C5orf24: variants seen among roughly 807,000 people sequenced by gnomAD.
C5orf24 encodes UPF0461 protein C5orf24.
A neutral mutation model predicts 9.8 loss-of-function variants in C5orf24; 4 were observed. The ratio of observed to expected loss-of-function variants is 0.41; its 90% CI spans 0.20 to 0.93. The LOEUF (loss-of-function observed/expected upper bound fraction) is 0.93, where lower values mean the gene tolerates loss of function less well. Ranked by LOEUF, C5orf24 falls within the 40% of genes least tolerant of loss-of-function variation. The probability of loss-of-function intolerance (pLI) is 0.33; values close to 1 mark genes in which losing one functional copy is unlikely to be tolerated. For missense variants in C5orf24, 170 were observed against 236.9 expected (o/e 0.72, Z 1.85); for synonymous variants, 73 against 81.3 (o/e 0.90, Z 0.55).
At chr5:134,844,290 T>C (rs1449322670), upstream of C5orf24, among the ~76,000 whole-genome samples, 1 of 152,210 alleles carries the variant, frequency 6.6e-6, no homozygotes, top group Non-Finnish European at 1.5e-5. Flanking sequence ...TCTATATTGG[T>C]ATTTTCCTTT....
intron 1 of C5orf24, among the ~76,000 whole-genome samples, chr5:134,851,890 C>CT (rs1193978110): frequency 8.5e-5 from 13 of 152,260 alleles, no homozygotes; most frequent in Non-Finnish European, 1.2e-4. Context: ...TGAGAGTCTC[C>CT]TTTTTTCTCA....
intron 1 of C5orf24, among the ~76,000 whole-genome samples, chr5:134,848,135 AC>A: frequency 6.6e-6 from 1 of 150,636 alleles, no homozygotes; most frequent in South Asian, 2.1e-4. Flanking sequence ...ACATGGTGAA[AC>A]CCGTCTCTAC....
Position 134,856,052 on chromosome 5 carries a change from T to A in C5orf24, c.*585T>A. 7 of 1,001,394 alleles carry A rather than the reference T, an allele frequency of 7.0e-6. No individual in the cohort carries two copies. The highest frequency in any genetic ancestry group is 8.4e-6 in the Non-Finnish European group (7 of 830,840). 62.0% of individuals were successfully genotyped at this position (1,001,394 alleles called of 1,614,324 possible). A position where few individuals can be genotyped will look rare whatever the true frequency, so the allele number is the denominator to read the frequency against. On this transcript the variant is annotated 3_prime_UTR_variant, in exon 2 of 2. Coordinates refer to ENST00000394976, the MANE Select transcript of C5orf24 (RefSeq NM_001135586.1). ...GCAGCTTGTAATTTATTGATCTACA[T>A]GGCATTAATTGATTTAACCATTATA...
At chr5:134,842,734 A>G (rs1029002480), upstream of C5orf24, among the ~76,000 whole-genome samples, 1 of 152,144 alleles carries the variant, frequency 6.6e-6, no homozygotes, top group Non-Finnish European at 1.5e-5. Context: ...TTCCTGGCTC[A>G]TGGTGCTTCT....
intron 1 of C5orf24, among the ~76,000 whole-genome samples, chr5:134,851,434 G>C (rs1007976488): frequency 1.5e-4 from 19 of 124,034 alleles, no homozygotes; most frequent in East Asian, 1.4e-3. Context: ...TGGATTCCCC[G>C]CCCCCCACCC....
the C5orf24 span, among the ~76,000 whole-genome samples, chr5:134,834,447 A>G: frequency 7.2e-5 from 11 of 152,192 alleles, no homozygotes; most frequent in Admixed American, 7.2e-4. Context: ...TCTGGAGCTG[A>G]TACTCCCAAA....
chr5:134,842,780 C>T (rs965667581), upstream of C5orf24, among the ~76,000 whole-genome samples: 5 of 152,098 alleles, frequency 3.3e-5, no homozygotes, highest in African/African-American at 9.7e-5. Context: ...CATTTAAAGC[C>T]CACTTCCAAC....
chr5:134,857,531 G>A lies in C5orf24; in HGVS notation c.*2064G>A. On this transcript the variant is annotated 3_prime_UTR_variant, in exon 2 of 2. Transcript: ENST00000394976. Reference sequence around the variant, plus strand: ...TGCACAAACCATAGAGAACGATGTTGGATGGTTACATAATCAGTTATAACA... The same window carrying A: ...TGCACAAACCATAGAGAACGATGTTAGATGGTTACATAATCAGTTATAACA... 2 of 1,163,974 alleles carry A rather than the reference G, an allele frequency of 1.7e-6. No homozygotes were observed. Among genetic ancestry groups the A allele is most frequent in the African/African-American group, 1.6e-5 (1 of 62,970 alleles). The allele number at this position is 1,163,974 out of a possible 1,614,324, so 72.1% of individuals were successfully genotyped here. A position where few individuals can be genotyped will look rare whatever the true frequency, so the allele number is the denominator to read the frequency against.
rs899544470 is a variant in C5orf24, at chr5:134,857,302, A to G, written c.*1835A>G. On this transcript the variant is annotated 3_prime_UTR_variant, in exon 2 of 2. Coordinates refer to ENST00000394976, the MANE Select transcript of C5orf24 (RefSeq NM_001135586.1). ...ACATGTTGTGTTTTTTGGGCTTGCT[A>G]TTAATGCAAACTCTGATTGCAAATG... 7.8e-5 allele frequency: 118 copies of G among 1,516,530 alleles called. No individual in the cohort carries two copies. Among genetic ancestry groups the G allele is most frequent in the Non-Finnish European group, 9.9e-5 (111 of 1,126,136 alleles). The allele number at this position is 1,516,530 out of a possible 1,614,324, so 93.9% of individuals were successfully genotyped here. A position where few individuals can be genotyped will look rare whatever the true frequency, so the allele number is the denominator to read the frequency against.
At position 134,858,853 on chromosome 5, in the gene C5orf24, CA is replaced by C. The variant is rs1224163761; in HGVS notation, c.*3387del. The C allele has an allele frequency of 6.0e-6, 1 of 166,144 alleles. No homozygotes were observed. Among genetic ancestry groups the C allele is most frequent in the Non-Finnish European group, 1.5e-5 (1 of 68,018 alleles). The allele number at this position is 166,144 out of a possible 1,614,324, so 10.3% of individuals were successfully genotyped here. Reference sequence around the variant, plus strand: ...TGGTTTAATTTTTAATATTTAGGGACATTTTAAAAAATCAATGTTTTAATTA... The same window carrying C: ...TGGTTTAATTTTTAATATTTAGGGACTTTTAAAAAATCAATGTTTTAATTA... On this transcript the variant is annotated 3_prime_UTR_variant, in exon 2 of 2. Transcript: ENST00000394976.
In C5orf24 at chr5:134,855,208, G is replaced by A. The variant is rs747027954; in HGVS notation, c.308G>A (p.Arg103Gln). The part of the protein sequence containing the change: ...PSGTTKSAGY[R>Q]TSTGRPLGTT... ...GGAACCACCAAATCAGCAGGATACCGGACCAGCACAGGCAGACCCCTGGGA... is the reference window on the plus strand; with the variant it reads ...GGAACCACCAAATCAGCAGGATACCAGACCAGCACAGGCAGACCCCTGGGA... Residue 103 changes from arginine (R) to glutamine (Q), a missense_variant, in exon 2 of 2, where the codon CGG (arginine) becomes CAG (glutamine). By Grantham distance (43) the Arg-to-Gln change is conservative (BLOSUM62 1). Coordinates refer to ENST00000394976, the MANE Select transcript of C5orf24 (RefSeq NM_001135586.1). 17 of 1,614,024 alleles carry A rather than the reference G, an allele frequency of 1.1e-5. No individual in the cohort carries two copies. Among genetic ancestry groups the A allele is most frequent in the African/African-American group, 1.3e-5 (1 of 74,902 alleles).
Position 134,849,647 on chromosome 5 carries a change from CTTTTTTTTT to C in C5orf24, c.-4+3454_-4+3462del, listed in dbSNP as rs35375521. On this transcript the variant is annotated intron_variant, in intron 1 of 1. Coordinates refer to ENST00000394976, the MANE Select transcript of C5orf24 (RefSeq NM_001135586.1). Reference sequence around the variant, plus strand: ...CACTTCAGAAATGTTAAGTCAGTGTCTTTTTTTTTTTTTTTTTTTTTTTTTTTAAAGAGA... The same window carrying C: ...CACTTCAGAAATGTTAAGTCAGTGTCTTTTTTTTTTTTTTTTTTAAAGAGA... Among the ~76,000 whole-genome samples the C allele has an allele frequency of 4.8e-4, 37 of 76,978 alleles. 2 individuals carry two copies. The Admixed American group carries it at 5.6e-3, about 12-fold the overall frequency. The allele number at this position is 76,978 out of a possible 152,430, so 50.5% of individuals were successfully genotyped here.
In C5orf24 at chr5:134,857,626, A is replaced by G. The variant is rs551228259; in HGVS notation, c.*2159A>G. On this transcript the variant is annotated 3_prime_UTR_variant, in exon 2 of 2. Transcript: ENST00000394976. ...TAAAATACAAGATTTTTAATAATTT[A>G]CTCAGAACAGTATAACTTCTGACAC... 5 of 453,050 alleles carry G rather than the reference A, an allele frequency of 1.1e-5. No homozygotes were observed. In the Admixed American group the frequency reaches 2.2e-4, roughly 19 times the overall value. 28.1% of individuals were successfully genotyped at this position (453,050 alleles called of 1,614,324 possible).
chr5:134,838,781 C>CA, the C5orf24 span, among the ~76,000 whole-genome samples: 1,757 of 119,198 alleles, frequency 0.015, 34 homozygotes, highest in Admixed American at 0.063. Flanking sequence ...CTCGTCTCTA[C>CA]AAAAAAAAAA....
chr5:134,840,430 A>C, the C5orf24 span, among the ~76,000 whole-genome samples: 1 of 151,824 alleles, frequency 6.6e-6, no homozygotes, highest in African/African-American at 2.4e-5. Context: ...GCTGGAGTAC[A>C]GTGTCATGGT....
In C5orf24 at chr5:134,857,899, A is replaced by C. The variant is rs1756354633; in HGVS notation, c.*2432A>C. 1 of 166,988 alleles carries C rather than the reference A, an allele frequency of 6.0e-6. No homozygotes were observed. The highest frequency in any genetic ancestry group is 1.9e-4 in the East Asian group (1 of 5,210). 10.3% of individuals were successfully genotyped at this position (166,988 alleles called of 1,614,324 possible). A position where few individuals can be genotyped will look rare whatever the true frequency, so the allele number is the denominator to read the frequency against. On this transcript the variant is annotated 3_prime_UTR_variant, in exon 2 of 2. Transcript: ENST00000394976. ...CCCTTTCAGTTTATTTTCCTTCCTT[A>C]TTTTGTTATACATACCCTTCCCTTT...
chr5:134,855,369 G>A lies in C5orf24; in HGVS notation c.469G>A (p.Gly157Ser), dbSNP rs1304850279. ...ALSRLADLGYGCGTAAFPYPM... is the reference protein window; with the variant it reads ...ALSRLADLGYSCGTAAFPYPM... ...ATCCCGTCTTGCCGATCTTGGTTAT[G>A]GCTGTGGCACTGCTGCTTTTCCTTA... Residue 157 changes from glycine to serine, a missense_variant, in exon 2 of 2, where the codon GGC (glycine) becomes AGC (serine). Physicochemically the swap from Gly to Ser is moderately conservative, Grantham distance 56 (BLOSUM62 0). Coordinates refer to ENST00000394976, the MANE Select transcript of C5orf24 (RefSeq NM_001135586.1). 1 of 1,614,208 alleles carries A rather than the reference G, an allele frequency of 6.2e-7. No homozygotes were observed. Among genetic ancestry groups the A allele is most frequent in the Non-Finnish European group, 8.5e-7 (1 of 1,180,042 alleles).
the C5orf24 span, among the ~76,000 whole-genome samples, chr5:134,837,128 C>T: frequency 2.0e-5 from 3 of 151,926 alleles, no homozygotes; most frequent in Non-Finnish European, 4.4e-5. Flanking sequence ...CATGCGTCAC[C>T]ATGCCCGGCT....
rs757690818 is a variant in C5orf24, at chr5:134,854,929, C to T, written c.29C>T (p.Pro10Leu). ...ATGCATCCTGTTGCCAGCAGTAATC[C>T]AGCTTTCTGTGGGCCTGGCAAGCCT... MMHPVASSN[P>L]AFCGPGKPSC... Residue 10 changes from proline (P) to leucine (L), a missense_variant, in exon 2 of 2, where the codon CCA becomes CTA. Pro to Leu is a moderately conservative substitution (Grantham distance 98, BLOSUM62 -3). Around this residue, in one of 3 missense-constraint regions of C5orf24, gnomAD observed 93 missense variants for 104.5 expected, o/e 0.89. Transcript: ENST00000394976. 1 of 1,613,902 alleles carries T rather than the reference C, an allele frequency of 6.2e-7. No homozygotes were observed. Among genetic ancestry groups the T allele is most frequent in the Non-Finnish European group, 8.5e-7 (1 of 1,179,986 alleles).
Sources: allele counts gnomAD v4.1 joint callset (sites outside exome capture counted in the v4.1 genomes callset), GRCh38; gene constraint gnomAD v4.1.1; regional missense constraint gnomAD v4.1.1; transcripts MANE v1.5; gene names NCBI Gene and HGNC (gene_info 2026-07-23, HGNC 2026-07-21).